Variants in GDPD4 observed in about 807,000 individuals in gnomAD.
The protein encoded by GDPD4 is glycerophosphodiester phosphodiesterase 6.
GDPD4 carries 60 observed loss-of-function variants against 67.8 expected under a neutral mutation model. The ratio of observed to expected loss-of-function variants is 0.88; its 90% CI spans 0.72 to 1.10. The LOEUF (loss-of-function observed/expected upper bound fraction) is 1.10. Among genes scored for constraint, GDPD4 ranks in the 50% least tolerant of loss-of-function variants. GDPD4 has a pLI of 0.00. For synonymous variants in GDPD4, 212 were observed against 210.9 expected, an observed-to-expected ratio of 1.00 and a Z score of -0.04; for missense variants, 623 against 613.9, an observed-to-expected ratio of 1.01 and a Z score of -0.16.
intron 16 of GDPD4, among the ~76,000 whole-genome samples, chr11:77,221,976 T>C (rs1456852636): frequency 2.6e-5 from 4 of 152,158 alleles, no homozygotes; most frequent in Non-Finnish European, 5.9e-5. Flanking sequence ...CCCTTTACCA[T>C]TATGTAATGG....
chr11:77,295,887 C>T (rs1180126251), intron 1 of GDPD4, among the ~76,000 whole-genome samples: 1 of 152,160 alleles, frequency 6.6e-6, no homozygotes, highest in Non-Finnish European at 1.5e-5. Flanking sequence ...CAATTATATG[C>T]ATTTGTCAAA....
Position 77,243,684 on chromosome 11 carries a change from A to C in GDPD4, c.1241+10T>G. On this transcript the variant is annotated intron_variant, in intron 13 of 16. Transcript: ENST00000315938. ...AATATGTGCCAAGAGAGGTGTGGTC[A>C]AACACTTACCTTAACCCATTAGGGA... The C allele has an allele frequency of 6.2e-7, 1 of 1,608,642 alleles. No homozygotes were observed. Among genetic ancestry groups the C allele is most frequent in the Non-Finnish European group, 8.5e-7 (1 of 1,175,124 alleles).
chr11:77,249,593 G>A (rs1358766837), intron 11 of GDPD4, among the ~76,000 whole-genome samples: 3 of 152,156 alleles, frequency 2.0e-5, no homozygotes, highest in African/African-American at 7.2e-5. Flanking sequence ...GGAGACACAG[G>A]TGAAAGGAGA....
intron 13 of GDPD4, among the ~76,000 whole-genome samples, chr11:77,241,456 A>G (rs558069161): frequency 6.6e-6 from 1 of 151,970 alleles, no homozygotes; most frequent in Admixed American, 6.6e-5. Flanking sequence ...AAACTGCTTG[A>G]GCAAGACCAC....
At position 77,279,491 on chromosome 11, in the gene GDPD4, T is replaced by A. The variant is rs548723509; in HGVS notation, c.54-92A>T. The A allele has an allele frequency of 6.7e-5, 44 of 656,418 alleles. No homozygotes were observed. In the African/African-American group the frequency reaches 7.3e-4, roughly 11 times the overall value. 40.7% of individuals were successfully genotyped at this position (656,418 alleles called of 1,614,324 possible). On this transcript the variant is annotated intron_variant, in intron 3 of 16. Transcript: ENST00000315938. ...GGACAAAACCAGACTAGATAAGGCA[T>A]AAGCAAATGTAGGGAGATAAAAAGA...
intron 5 of GDPD4, among the ~76,000 whole-genome samples, chr11:77,275,672 G>A (rs1206858069): frequency 6.6e-6 from 1 of 152,172 alleles, no homozygotes; most frequent in East Asian, 1.9e-4. Flanking sequence ...AGGCGGAAAA[G>A]AGGTAGAAGG....
intron 13 of GDPD4, among the ~76,000 whole-genome samples, chr11:77,241,907 T>C (rs916043144): frequency 3.3e-5 from 5 of 151,824 alleles, no homozygotes; most frequent in Non-Finnish European, 7.4e-5. Flanking sequence ...CACTCCAGCC[T>C]GGTGACAGAG....
intron 16 of GDPD4, among the ~76,000 whole-genome samples, chr11:77,222,895 C>T (rs977627600): frequency 2.0e-5 from 3 of 152,202 alleles, no homozygotes; most frequent in Non-Finnish European, 2.9e-5. Context: ...GGTCTTTTCA[C>T]GTAGTCCCAT....
intron 13 of GDPD4, among the ~76,000 whole-genome samples, chr11:77,237,084 G>T (rs1449652782): frequency 1.3e-5 from 2 of 152,168 alleles, no homozygotes; most frequent in Non-Finnish European, 2.9e-5. Flanking sequence ...CCTGGAGCAT[G>T]ACACATAAAC....
chr11:77,288,107 T>C (rs561928223), intron 1 of GDPD4, among the ~76,000 whole-genome samples: 1 of 152,212 alleles, frequency 6.6e-6, no homozygotes, highest in East Asian at 1.9e-4. Flanking sequence ...CTGGCACTAC[T>C]ACCACCACCA....
intron 3 of GDPD4, among the ~76,000 whole-genome samples, chr11:77,282,899 C>T (rs920245435): frequency 3.3e-5 from 5 of 151,860 alleles, no homozygotes; most frequent in East Asian, 1.9e-4. Context: ...AAAACATGAG[C>T]TACAGAAAGG....
intron 13 of GDPD4, among the ~76,000 whole-genome samples, chr11:77,237,848 A>C (rs985978627): frequency 6.6e-6 from 1 of 152,202 alleles, no homozygotes; most frequent in Non-Finnish European, 1.5e-5. Context: ...GCAATGGCTC[A>C]TGCCAGAGGT....
chr11:77,251,269 A>T (rs1565522638), intron 11 of GDPD4, among the ~76,000 whole-genome samples: 1 of 150,228 alleles, frequency 6.7e-6, no homozygotes, highest in Admixed American at 6.6e-5. Context: ...AAAAGGTTTG[A>T]TTTTTTTTTC....
At chr11:77,270,941 A>G in intron 7 of GDPD4, 189 bp downstream of exon 7, 1 of 538,246 alleles carries the variant, frequency 1.9e-6, no homozygotes, top group Non-Finnish European at 3.2e-6. Flanking sequence ...CAGAAATACT[A>G]TGACAGGCCA....
At position 77,262,438 on chromosome 11, in the gene GDPD4, T is replaced by C. The variant is rs558670042; in HGVS notation, c.708-3896A>G. On this transcript the variant is annotated intron_variant, in intron 10 of 16. Coordinates refer to ENST00000315938, the MANE Select transcript of GDPD4 (RefSeq NM_182833.3). ...AGAATTCTGGACAGAAATATAGCTCTAATTAAGTATTAATCAGGCTTCATT... is the reference window on the plus strand; with the variant it reads ...AGAATTCTGGACAGAAATATAGCTCCAATTAAGTATTAATCAGGCTTCATT... Among the ~76,000 whole-genome samples, 6 of 152,326 alleles carry C rather than the reference T, an allele frequency of 3.9e-5. No individual in the cohort carries two copies. The South Asian group carries it at 1.2e-3, about 32-fold the overall frequency.
chr11:77,233,035 T>C lies in GDPD4; in HGVS notation c.1379A>G (p.His460Arg). The change falls in exon 14 of 17, where the codon CAC becomes CGC. Residue 460 changes from histidine (H) to arginine (R), a missense_variant. Physicochemically the swap from His to Arg is conservative, Grantham distance 29 (BLOSUM62 0). Transcript: ENST00000315938. ...IGLLSQLDHP[H>R]FFMTPKFYVF... ...GGACAACCAGCTCACCATGAAGAAG[T>C]GAGGGTGATCAAGCTGACTCAGGAG... 1 of 1,613,762 alleles carries C rather than the reference T, an allele frequency of 6.2e-7. No individual in the cohort carries two copies. The highest frequency in any genetic ancestry group is 8.5e-7 in the Non-Finnish European group (1 of 1,179,872).
chr11:77,249,771 T>G (rs377589628), intron 11 of GDPD4, among the ~76,000 whole-genome samples: 8 of 152,206 alleles, frequency 5.3e-5, no homozygotes, highest in African/African-American at 1.9e-4. Context: ...ATTATGTTGC[T>G]TATTTGAAAT....
intron 16 of GDPD4, among the ~76,000 whole-genome samples, chr11:77,220,765 G>A (rs1405253007): frequency 2.0e-5 from 3 of 152,208 alleles, no homozygotes; most frequent in Admixed American, 6.5e-5. Flanking sequence ...GATTGGAATA[G>A]TTTCAGAAGA....
Position 77,258,509 on chromosome 11 carries a change from A to C in GDPD4, c.741T>G (p.Phe247Leu). 2.5e-6 allele frequency: 4 copies of C among 1,613,976 alleles called. No homozygotes were observed. The highest frequency in any genetic ancestry group is 3.4e-6 in the Non-Finnish European group (4 of 1,179,898). The change falls in exon 11 of 17, where the codon TTT becomes TTG. Residue 247 changes from phenylalanine (F) to leucine (L), a missense_variant. Phe to Leu is a conservative substitution (Grantham distance 22, BLOSUM62 0). Coordinates refer to ENST00000315938, the MANE Select transcript of GDPD4 (RefSeq NM_182833.3). ...YDHVPFLMHD[F>L]DLKRTTNIGE... The stretch of plus-strand genomic sequence containing the variant: ...CAATATTGGTTGTTCTTTTCAGGTC[A>C]AAGTCATGCATGAGGAAAGGCACAT...
Sources: allele counts gnomAD v4.1 joint callset (sites outside exome capture counted in the v4.1 genomes callset), GRCh38; gene constraint gnomAD v4.1.1; transcripts MANE v1.5; gene names NCBI Gene and HGNC (gene_info 2026-07-23, HGNC 2026-07-21).